LRRC4C: variants seen among roughly 807,000 people sequenced by gnomAD.
LRRC4C encodes leucine-rich repeat-containing protein 4C.
A neutral mutation model predicts 33.6 loss-of-function variants in LRRC4C; 5 were observed. The observed-to-expected ratio is 0.15, with a 90% confidence interval of 0.08 to 0.31. The LOEUF (loss-of-function observed/expected upper bound fraction) is 0.31. LRRC4C is among the 10% of genes least tolerant of loss of function. The probability of loss-of-function intolerance (pLI) is 1.00; values close to 1 mark genes in which losing one functional copy is unlikely to be tolerated. For missense variants in LRRC4C, 560 were observed against 796.7 expected (o/e 0.70, Z 3.58); for synonymous variants, 329 against 302.0 (o/e 1.09, Z -0.93).
At chr11:41,457,502 G>T (rs1227762823) in intron 1 of LRRC4C, among the ~76,000 whole-genome samples, 1 of 152,024 alleles carries the variant, frequency 6.6e-6, no homozygotes, top group East Asian at 1.9e-4. Context: ...CAGAAACTTC[G>T]TGTTTCTTAT....
intron 3 of LRRC4C, among the ~76,000 whole-genome samples, chr11:40,590,402 A>G (rs932899398): frequency 2.7e-5 from 4 of 147,560 alleles, no homozygotes; most frequent in Non-Finnish European, 6.0e-5. Context: ...AAAGTTTTCA[A>G]CTTCTTTGCC....
At chr11:40,969,499 A>G (rs1851577501) in intron 1 of LRRC4C, among the ~76,000 whole-genome samples, 3 of 151,194 alleles carry the variant, frequency 2.0e-5, no homozygotes, top group South Asian at 4.2e-4. Context: ...AGGTAGTGTC[A>G]GTTGGTGGGG....
At chr11:40,568,649 A>T (rs17487816) in intron 3 of LRRC4C, among the ~76,000 whole-genome samples, 22,731 of 152,172 alleles carry the variant, frequency 0.15, 2,004 homozygotes, top group Admixed American at 0.23. Context: ...TCTGGACCAC[A>T]CTGAACACCC....
intron 3 of LRRC4C, among the ~76,000 whole-genome samples, chr11:40,365,428 CAT>C (rs1329900736): frequency 6.6e-6 from 1 of 152,012 alleles, no homozygotes; most frequent in African/African-American, 2.4e-5. Context: ...CTCCATTACT[CAT>C]ATGTAAAAGA....
intron 3 of LRRC4C, among the ~76,000 whole-genome samples, chr11:40,630,677 A>G: frequency 6.6e-6 from 1 of 152,152 alleles, no homozygotes; most frequent in East Asian, 1.9e-4. Flanking sequence ...ACATCTCAGT[A>G]TCATTCAATT....
chr11:40,139,309 A>C (rs1857203072), intron 6 of LRRC4C, among the ~76,000 whole-genome samples: 1 of 152,236 alleles, frequency 6.6e-6, no homozygotes, highest in Admixed American at 6.5e-5. Context: ...GGAGTGGAAC[A>C]CAGACATTTT....
intron 3 of LRRC4C, among the ~76,000 whole-genome samples, chr11:40,414,173 A>G (rs1427390279): frequency 1.3e-5 from 2 of 152,146 alleles, no homozygotes; most frequent in African/African-American, 4.8e-5. Flanking sequence ...TAGAAATTCT[A>G]GACTTACATG....
intron 1 of LRRC4C, among the ~76,000 whole-genome samples, chr11:40,996,041 T>G (rs907294903): frequency 1.3e-5 from 2 of 152,212 alleles, no homozygotes; most frequent in African/African-American, 4.8e-5. Context: ...AGTTCCACTG[T>G]TCATGAGATT....
chr11:40,936,014 TTATATATATATATATA>T (rs56879078), intron 1 of LRRC4C, among the ~76,000 whole-genome samples: 841 of 49,298 alleles, frequency 0.017, 42 homozygotes, highest in African/African-American at 0.045. Flanking sequence ...ATGCCAAATT[TTATATATATATATATA>T]TATATATATA....
At position 40,440,299 on chromosome 11, in the gene LRRC4C, CTTTT is replaced by C. The variant is rs66998647; in HGVS notation, c.-269-120582_-269-120579del. On this transcript the variant is annotated intron_variant, in intron 3 of 6. Transcript: ENST00000528697. Reference sequence around the variant, plus strand: ...ACAAAATCTTTAGTTTGGTCTCTTTCTTTTTTTTTTTTTTTTTTTAATACATTTT... The same window carrying C: ...ACAAAATCTTTAGTTTGGTCTCTTTCTTTTTTTTTTTTTTTAATACATTTT... 2.0e-3 allele frequency among the ~76,000 whole-genome samples: 268 copies of C among 131,850 alleles called. 1 individual carries two copies. Among genetic ancestry groups the C allele is most frequent in the African/African-American group, 4.5e-3 (157 of 34,828 alleles). The allele number at this position is 131,850 out of a possible 152,430, so 86.5% of individuals were successfully genotyped here.
chr11:41,086,527 T>C (rs1940002249), intron 1 of LRRC4C, among the ~76,000 whole-genome samples: 1 of 152,156 alleles, frequency 6.6e-6, no homozygotes, highest in Non-Finnish European at 1.5e-5. Context: ...GTTCCTTTCA[T>C]TTGAATTATA....
chr11:40,873,410 C>T (rs575147930), intron 2 of LRRC4C, among the ~76,000 whole-genome samples: 1 of 152,200 alleles, frequency 6.6e-6, no homozygotes, highest in African/African-American at 2.4e-5. Flanking sequence ...GGTGTGCCGT[C>T]AGAAATGTAA....
chr11:40,941,673 T>C (rs918708179), intron 1 of LRRC4C, among the ~76,000 whole-genome samples: 3 of 152,162 alleles, frequency 2.0e-5, no homozygotes, highest in Non-Finnish European at 2.9e-5. Flanking sequence ...ATAGTTTTGA[T>C]TGTTTTAACC....
chr11:40,680,486 G>A (rs755076383), intron 2 of LRRC4C, among the ~76,000 whole-genome samples: 4 of 152,196 alleles, frequency 2.6e-5, no homozygotes, highest in Non-Finnish European at 5.9e-5. Context: ...AGTCCCACCT[G>A]TTGTTCGAGG....
intron 3 of LRRC4C, among the ~76,000 whole-genome samples, chr11:40,579,119 C>T (rs894613633): frequency 6.6e-6 from 1 of 152,142 alleles, no homozygotes; most frequent in African/African-American, 2.4e-5. Flanking sequence ...AGGTAGATCA[C>T]TGGAGTCCAG....
chr11:41,085,005 A>C (rs1046545837), intron 1 of LRRC4C, among the ~76,000 whole-genome samples: 6 of 152,134 alleles, frequency 3.9e-5, no homozygotes, highest in African/African-American at 1.2e-4. Flanking sequence ...TAGTGGTTAA[A>C]AGATAAACTC....
intron 3 of LRRC4C, among the ~76,000 whole-genome samples, chr11:40,550,937 A>G (rs1957106156): frequency 6.6e-6 from 1 of 152,120 alleles, no homozygotes; most frequent in African/African-American, 2.4e-5. Flanking sequence ...GATGGATTCC[A>G]TCAATTATGT....
chr11:40,851,516 T>G (rs1257735044), intron 2 of LRRC4C, among the ~76,000 whole-genome samples: 1 of 152,162 alleles, frequency 6.6e-6, no homozygotes, highest in Non-Finnish European at 1.5e-5. Flanking sequence ...CAGTTGGAAA[T>G]GCAGTAATCA....
intron 6 of LRRC4C, among the ~76,000 whole-genome samples, chr11:40,126,685 G>A (rs528898264): frequency 6.6e-6 from 1 of 152,152 alleles, no homozygotes; most frequent in Non-Finnish European, 1.5e-5. Flanking sequence ...TTGGGGACGG[G>A]CGTGGTGGCT....
Sources: allele counts gnomAD v4.1 joint callset (sites outside exome capture counted in the v4.1 genomes callset), GRCh38; gene constraint gnomAD v4.1.1; transcripts MANE v1.5; gene names NCBI Gene and HGNC (gene_info 2026-07-23, HGNC 2026-07-21).